The following CD1B variants were observed in gnomAD, a reference collection of about 807,000 sequenced individuals.
The protein encoded by CD1B is T-cell surface glycoprotein CD1b.
A neutral mutation model predicts 39.8 loss-of-function variants in CD1B; 43 were observed. The observed-to-expected ratio is 1.08, with a 90% CI of 0.85 to 1.39. The LOEUF is 1.39. CD1B is among the 40% of genes most tolerant of loss of function. The pLI, the probability that CD1B is intolerant of heterozygous loss-of-function variation, is 0.00. For synonymous variants in CD1B, 192 were observed against 152.5 expected (o/e 1.26, Z -1.91); for missense variants, 495 against 403.8 (o/e 1.23, Z -1.94).
the CD1B span, among the ~76,000 whole-genome samples, chr1:158,293,990 G>C: frequency 6.6e-6 from 1 of 152,004 alleles, no homozygotes; most frequent in East Asian, 1.9e-4. Flanking sequence ...TTCTCTTTTT[G>C]TTTAAATGCT....
the CD1B span, among the ~76,000 whole-genome samples, chr1:158,316,373 A>T: frequency 6.6e-6 from 1 of 151,904 alleles, no homozygotes; most frequent in South Asian, 2.1e-4. Flanking sequence ...GGTCCTTCAC[A>T]TCCCTTGTAA....
chr1:158,311,733 G>A, the CD1B span, among the ~76,000 whole-genome samples: 1 of 152,092 alleles, frequency 6.6e-6, no homozygotes, highest in South Asian at 2.1e-4. Context: ...AGTTTTCCCA[G>A]CACTATTTAT....
chr1:158,329,228 C>T lies in CD1B; in HGVS notation c.886+142G>A. 11 of 1,137,102 alleles carry T rather than the reference C, an allele frequency of 9.7e-6. No homozygotes were observed. The African/African-American group carries it at 1.2e-4, about 13-fold the overall frequency. The allele number at this position is 1,137,102 out of a possible 1,614,324, so 70.4% of individuals were successfully genotyped here. A position where few individuals can be genotyped will look rare whatever the true frequency, so the allele number is the denominator to read the frequency against. On this transcript the variant is annotated intron_variant, in intron 4 of 5. Coordinates refer to ENST00000368168, the MANE Select transcript of CD1B (RefSeq NM_001764.3). ...ATAACTTGGATTATCTATTTTTACT[C>T]CTGTTGGGATTGGGGTCAGGGAAAT...
chr1:158,330,850 T>G lies in CD1B; in HGVS notation c.274A>C (p.Ile92Leu), dbSNP rs781511854. Residue 92 changes from isoleucine (I) to leucine (L), a missense_variant, in exon 2 of 6, where the codon ATC (isoleucine) becomes CTC (leucine). By Grantham distance (5) the Ile-to-Leu change is conservative. Coordinates refer to ENST00000368168, the MANE Select transcript of CD1B (RefSeq NM_001764.3). ...AELEEIFRVY[I>L]FGFAREVQDF... Reference sequence around the variant, plus strand: ...TGTACTTCTCGAGCGAATCCAAAGATGTAGACTCGGAATATCTCCTCTAAC... The same window carrying G: ...TGTACTTCTCGAGCGAATCCAAAGAGGTAGACTCGGAATATCTCCTCTAAC... 1 of 1,614,134 alleles carries G rather than the reference T, an allele frequency of 6.2e-7. No individual in the cohort carries two copies. Among genetic ancestry groups the G allele is most frequent in the Non-Finnish European group, 8.5e-7 (1 of 1,179,996 alleles).
At chr1:158,310,585 C>T in the CD1B span, among the ~76,000 whole-genome samples, 6 of 152,060 alleles carry the variant, frequency 3.9e-5, no homozygotes, top group East Asian at 1.2e-3. Context: ...AGATCTAATA[C>T]CCAGCATCTA....
chr1:158,315,318 G>A, the CD1B span, among the ~76,000 whole-genome samples: 1 of 151,876 alleles, frequency 6.6e-6, no homozygotes, highest in Non-Finnish European at 1.5e-5. Flanking sequence ...CCCAGCACCT[G>A]TTGTTTCCTG....
At chr1:158,291,146 A>G in the CD1B span, 24 of 1,610,316 alleles carry the variant, frequency 1.5e-5, no homozygotes, top group Non-Finnish European at 1.9e-5. Flanking sequence ...TCCCAGGAAC[A>G]CGTCTCCTTC....
downstream of CD1B, among the ~76,000 whole-genome samples, chr1:158,327,045 C>T (rs1652379663): frequency 6.6e-6 from 1 of 152,200 alleles, no homozygotes; most frequent in Non-Finnish European, 1.5e-5. Flanking sequence ...GATCCACCTG[C>T]CTCGGCCTCC....
intron 2 of CD1B, chr1:158,330,391 G>C (rs1380862940): frequency 1.4e-5 from 8 of 571,826 alleles, no homozygotes; most frequent in Non-Finnish European, 2.5e-5. Flanking sequence ...GGTGCAGTCA[G>C]GAGTGCAGCA....
At chr1:158,295,901 C>T in the CD1B span, among the ~76,000 whole-genome samples, 1 of 151,902 alleles carries the variant, frequency 6.6e-6, no homozygotes, top group East Asian at 1.9e-4. Flanking sequence ...CATACATACA[C>T]AGACATCACT....
chr1:158,303,310 C>A, the CD1B span, among the ~76,000 whole-genome samples: 1 of 152,084 alleles, frequency 6.6e-6, no homozygotes, highest in Admixed American at 6.6e-5. Flanking sequence ...TATGACAAAC[C>A]CACAGCCAAC....
the CD1B span, among the ~76,000 whole-genome samples, chr1:158,318,373 A>G: frequency 6.6e-6 from 1 of 152,246 alleles, no homozygotes; most frequent in Non-Finnish European, 1.5e-5. Flanking sequence ...TATATTTAGG[A>G]TAGTTAACTC....
At chr1:158,329,346 G>T in intron 4 of CD1B, 24 bp downstream of exon 4, 2 of 1,599,854 alleles carry the variant, frequency 1.3e-6, no homozygotes, top group South Asian at 2.2e-5. Context: ...GGCATTTCCA[G>T]CCTGGGTCCC....
the CD1B span, among the ~76,000 whole-genome samples, chr1:158,312,405 G>A: frequency 1.3e-5 from 2 of 152,158 alleles, no homozygotes; most frequent in Admixed American, 6.5e-5. Context: ...CAGCTACGTG[G>A]AACTGTGAGT....
downstream of CD1B, among the ~76,000 whole-genome samples, chr1:158,327,657 G>A (rs1261633308): frequency 6.6e-6 from 1 of 152,114 alleles, no homozygotes; most frequent in African/African-American, 2.4e-5. Flanking sequence ...GAGAAGGGGA[G>A]GAAAAACAAA....
chr1:158,312,851 C>A, the CD1B span, among the ~76,000 whole-genome samples: 1 of 152,214 alleles, frequency 6.6e-6, no homozygotes, highest in Admixed American at 6.5e-5. Flanking sequence ...CTTTCTCTTG[C>A]CTAATTACCC....
chr1:158,297,808 G>A, the CD1B span, among the ~76,000 whole-genome samples: 1 of 152,062 alleles, frequency 6.6e-6, no homozygotes, highest in Non-Finnish European at 1.5e-5. Context: ...GGTGGCACAT[G>A]CCTGTAGTCC....
chr1:158,291,269 T>C, the CD1B span: 21 of 1,614,116 alleles, frequency 1.3e-5, 1 homozygote, highest in South Asian at 2.3e-4. Context: ...GGCACAATAA[T>C]TTTCCTGCAT....
At chr1:158,318,434 T>A in the CD1B span, among the ~76,000 whole-genome samples, 1 of 152,224 alleles carries the variant, frequency 6.6e-6, no homozygotes, top group Admixed American at 6.5e-5. Flanking sequence ...TCTTTGTCTC[T>A]TTTGATCTTT....
Sources: allele counts gnomAD v4.1 joint callset (sites outside exome capture counted in the v4.1 genomes callset), GRCh38; gene constraint gnomAD v4.1.1; transcripts MANE v1.5; gene names NCBI Gene and HGNC (gene_info 2026-07-23, HGNC 2026-07-21).